Variants in IGSF21 observed in about 807,000 individuals in gnomAD.
The protein encoded by IGSF21 is immunoglobin superfamily member 21.
IGSF21 carries 28 observed loss-of-function variants against 46.8 expected under a neutral mutation model. The ratio of observed to expected loss-of-function variants is 0.60; its 90% confidence interval spans 0.44 to 0.82. The LOEUF (loss-of-function observed/expected upper bound fraction) is 0.82, where lower values mean the gene tolerates loss of function less well. IGSF21 is among the 40% of genes least tolerant of loss of function. The pLI, the probability that IGSF21 is intolerant of heterozygous loss-of-function variation, is 0.00. For synonymous variants in IGSF21, 284 were observed against 273.6 expected (o/e 1.04, Z -0.38); for missense variants, 624 against 665.5 (o/e 0.94, Z 0.69).
At chr1:18,267,808 G>A (rs1055317756) in intron 2 of IGSF21, among the ~76,000 whole-genome samples, 3 of 152,200 alleles carry the variant, frequency 2.0e-5, no homozygotes, top group African/African-American at 7.2e-5. Context: ...CAGCCTGCAG[G>A]CCAACTCTGG....
intron 2 of IGSF21, among the ~76,000 whole-genome samples, chr1:18,291,204 G>A (rs2085262963): frequency 6.6e-6 from 1 of 152,094 alleles, no homozygotes; most frequent in Non-Finnish European, 1.5e-5. Context: ...GGCTTCCAGC[G>A]CTGGCTTCAT....
chr1:18,341,232 T>C (rs528706812), intron 4 of IGSF21, among the ~76,000 whole-genome samples: 2 of 151,686 alleles, frequency 1.3e-5, no homozygotes, highest in Non-Finnish European at 2.9e-5. Flanking sequence ...CCCAAAGTGC[T>C]ACAGGCATGA....
chr1:18,335,611 T>G lies in IGSF21; in HGVS notation c.424+601T>G, dbSNP rs1265263804. On this transcript the variant is annotated intron_variant, in intron 4 of 9. Coordinates refer to ENST00000251296, the MANE Select transcript of IGSF21 (RefSeq NM_032880.5). The surrounding 1 kb of genome is among the most constrained non-coding windows in gnomAD (Gnocchi z 4.8). ...TCTGCACGTTCTCAGAAGCCCCCAC[T>G]GGCTCTAATGTTCTTGTCAGATACA... Among the ~76,000 whole-genome samples, 1 of 152,220 alleles carries G rather than the reference T, an allele frequency of 6.6e-6. No individual in the cohort carries two copies. Among genetic ancestry groups the G allele is most frequent in the East Asian group, 1.9e-4 (1 of 5,194 alleles).
chr1:18,260,581 G>C (rs563711342), intron 2 of IGSF21, among the ~76,000 whole-genome samples: 1 of 152,210 alleles, frequency 6.6e-6, no homozygotes, highest in Non-Finnish European at 1.5e-5. Flanking sequence ...TGCAAATTAA[G>C]GTGTGAATTA....
chr1:18,150,600 T>A (rs1194015012), intron 1 of IGSF21, among the ~76,000 whole-genome samples: 1 of 152,176 alleles, frequency 6.6e-6, no homozygotes. Context: ...GCGAGACCGG[T>A]AACTTCATAC....
chr1:18,110,301 G>A (rs935729470), intron 1 of IGSF21: 8 of 152,414 alleles, frequency 5.2e-5, no homozygotes, highest in African/African-American at 1.9e-4. Flanking sequence ...AGCACACGAG[G>A]GTGGGGTCCC....
chr1:18,291,592 CCT>C (rs978909752), intron 2 of IGSF21, among the ~76,000 whole-genome samples: 10 of 152,204 alleles, frequency 6.6e-5, no homozygotes. Flanking sequence ...GCAAGCTTCC[CCT>C]GAGCGCACAC....
chr1:18,220,660 G>GAGGC (rs2084501596), intron 1 of IGSF21, among the ~76,000 whole-genome samples: 1 of 152,114 alleles, frequency 6.6e-6, no homozygotes, highest in Admixed American at 6.5e-5. Context: ...AGGAGCAGGA[G>GAGGC]AGGCAGGAGT....
chr1:18,249,094 TG>T (rs1317589886), intron 2 of IGSF21, among the ~76,000 whole-genome samples: 2 of 152,098 alleles, frequency 1.3e-5, no homozygotes, highest in Non-Finnish European at 2.9e-5. Flanking sequence ...AGGAAAGGAA[TG>T]GATAGCAGCC....
chr1:18,364,836 C>A (rs1233405063), intron 5 of IGSF21, among the ~76,000 whole-genome samples: 3 of 152,202 alleles, frequency 2.0e-5, no homozygotes, highest in African/African-American at 7.2e-5. Context: ...ATGGACCACA[C>A]CCTTGGGCCC....
rs2085741718 is a variant in IGSF21 at position 18,334,132 on chromosome 1, C to G, written c.306-760C>G. ...AGACTGAAAGCAGGTTTGAGGGGGT[C>G]TCTCCCATCCTTAGGGATCACCTCT... On this transcript the variant is annotated intron_variant, in intron 3 of 9. Coordinates refer to ENST00000251296, the MANE Select transcript of IGSF21 (RefSeq NM_032880.5). This position sits in a 1 kb window ranked among gnomAD's most constrained non-coding sequence, Gnocchi z 4.3. Among the ~76,000 whole-genome samples the G allele has an allele frequency of 6.6e-6, 1 of 152,178 alleles. No homozygotes were observed. Among genetic ancestry groups the G allele is most frequent in the South Asian group, 2.1e-4 (1 of 4,824 alleles).
chr1:18,247,971 G>A (rs951634451), intron 2 of IGSF21, among the ~76,000 whole-genome samples: 7 of 152,270 alleles, frequency 4.6e-5, no homozygotes, highest in South Asian at 2.1e-4. Context: ...CCACACACAC[G>A]CAGTCTGCCC....
chr1:18,253,675 G>C (rs1477613041), intron 2 of IGSF21, among the ~76,000 whole-genome samples: 2 of 152,206 alleles, frequency 1.3e-5, no homozygotes, highest in African/African-American at 2.4e-5. Context: ...GAGAAGGGAT[G>C]GGGGGAGGTA....
rs148859390 is a variant in IGSF21 at position 18,241,347 on chromosome 1, T to C, written c.183+13337T>C. Among the ~76,000 whole-genome samples, 382 of 152,264 alleles carry C rather than the reference T, an allele frequency of 2.5e-3. 5 individuals are homozygous for C. Among genetic ancestry groups the C allele is most frequent in the African/African-American group, 8.8e-3 (366 of 41,538 alleles). ...GCCCCTCGAGGCTCCTCTCCCAGTA[T>C]GCACCCATAAGTGAAGATTCTGGGG... is the stretch of plus-strand genomic sequence containing the variant. On this transcript the variant is annotated intron_variant, in intron 2 of 9. Transcript: ENST00000251296.
intron 1 of IGSF21, among the ~76,000 whole-genome samples, chr1:18,116,957 C>G (rs959231836): frequency 6.6e-6 from 1 of 152,094 alleles, no homozygotes; most frequent in South Asian, 2.1e-4. Context: ...AAGTGCAGGT[C>G]CTGGTTGAGA....
intron 2 of IGSF21, among the ~76,000 whole-genome samples, chr1:18,284,018 G>A (rs562035269): frequency 1.3e-5 from 2 of 152,262 alleles, no homozygotes; most frequent in African/African-American, 4.8e-5. Flanking sequence ...TGCAGGAGTC[G>A]GAAACCACAC....
intron 3 of IGSF21, among the ~76,000 whole-genome samples, chr1:18,329,223 G>A (rs1160936682): frequency 1.3e-5 from 2 of 152,166 alleles, no homozygotes; most frequent in Non-Finnish European, 2.9e-5. Flanking sequence ...ACTCTATGTA[G>A]CAAAGATTCA....
chr1:18,217,789 G>C (rs1270331137), intron 1 of IGSF21, among the ~76,000 whole-genome samples: 1 of 152,210 alleles, frequency 6.6e-6, no homozygotes, highest in African/African-American at 2.4e-5. Flanking sequence ...CAGAGTCAAA[G>C]GGCCTGCCTG....
At chr1:18,377,365 T>G in intron 8 of IGSF21, 28 bp from the exon 9 acceptor site, 1 of 1,608,404 alleles carries the variant, frequency 6.2e-7, no homozygotes, top group Non-Finnish European at 8.5e-7. Flanking sequence ...ATCCACCCTT[T>G]GGTTCTCTTT....
Sources: gnomAD v4.1 joint callset for allele counts (sites outside exome capture counted in the v4.1 genomes callset) on GRCh38, gnomAD v4.1.1 for gene constraint, Gnocchi (gnomAD v3.1) non-coding constraint, MANE v1.5 for transcripts, NCBI Gene and HGNC (gene_info 2026-07-23, HGNC 2026-07-21) for gene names.